CREBL2: variants seen among roughly 807,000 people sequenced by gnomAD.
The protein encoded by CREBL2 is cAMP-responsive element-binding protein-like 2.
Under a neutral mutation model 19.5 loss-of-function variants are expected in CREBL2, and 4 were observed. The ratio of observed to expected loss-of-function variants is 0.20; its 90% CI spans 0.10 to 0.47. The LOEUF is 0.47. Ranked by LOEUF, CREBL2 falls within the 20% of genes least tolerant of loss-of-function variation. The pLI is 0.98. For synonymous variants in CREBL2, 42 were observed against 46.6 expected (o/e 0.90, Z 0.40); for missense variants, 85 against 145.1 (o/e 0.59, Z 2.13).
At position 12,611,891 on chromosome 12, in the gene CREBL2, C is replaced by T. The variant is rs1945268662; in HGVS notation, c.-282C>T. ...CCCACCCTCCGGTCTCGGCGGCTCT[C>T]CAGAGCGTCTGTAAACACCCAGAGA... is the stretch of plus-strand genomic sequence containing the variant. On this transcript the variant is annotated 5_prime_UTR_variant, in exon 1 of 4. Coordinates refer to ENST00000228865, the MANE Select transcript of CREBL2 (RefSeq NM_001310.4). 5.8e-6 allele frequency: 3 copies of T among 519,360 alleles called. No homozygotes were observed. Among genetic ancestry groups the T allele is most frequent in the African/African-American group, 2.0e-5 (1 of 51,038 alleles). 32.2% of individuals were successfully genotyped at this position (519,360 alleles called of 1,614,324 possible).
At chr12:12,641,274 T>TTTTG (rs1592243538) in intron 3 of CREBL2, among the ~76,000 whole-genome samples, 2 of 142,304 alleles carry the variant, frequency 1.4e-5, no homozygotes, top group Non-Finnish European at 3.1e-5. Context: ...TTTTTTTTTT[T>TTTTG]TTTAGGTCAA....
chr12:12,633,435 C>T (rs565354147), intron 1 of CREBL2, among the ~76,000 whole-genome samples: 1 of 152,040 alleles, frequency 6.6e-6, no homozygotes, highest in East Asian at 1.9e-4. Context: ...GACTCCATCT[C>T]AAAACAAACA....
intron 1 of CREBL2, among the ~76,000 whole-genome samples, chr12:12,626,572 G>A (rs1279325078): frequency 6.6e-6 from 1 of 152,092 alleles, no homozygotes; most frequent in Non-Finnish European, 1.5e-5. Flanking sequence ...TTATTGAAAG[G>A]TAATTCACAA....
chr12:12,617,961 T>C (rs1945325653), intron 1 of CREBL2, among the ~76,000 whole-genome samples: 1 of 152,156 alleles, frequency 6.6e-6, no homozygotes, highest in South Asian at 2.1e-4. Context: ...ACACAGCACA[T>C]GTTTCAGAGA....
intron 1 of CREBL2, among the ~76,000 whole-genome samples, chr12:12,613,395 A>G (rs1945282771): frequency 6.6e-6 from 1 of 152,162 alleles, no homozygotes; most frequent in African/African-American, 2.4e-5. Context: ...ACTCTTTACG[A>G]TAGCTTTGTC....
Position 12,631,865 on chromosome 12 carries a change from T to A in CREBL2, c.16-3912T>A, listed in dbSNP as rs114508349. Among the ~76,000 whole-genome samples, 328 of 152,240 alleles carry A rather than the reference T, an allele frequency of 2.2e-3. 1 individual carries two copies. The highest frequency in any genetic ancestry group is 7.7e-3 in the African/African-American group (321 of 41,540). ...CTTTATAAAGTAGTCTCATATACATTGTTATAGCTAAGATTTACAATAATC... is the reference window on the plus strand; with the variant it reads ...CTTTATAAAGTAGTCTCATATACATAGTTATAGCTAAGATTTACAATAATC... On this transcript the variant is annotated intron_variant, in intron 1 of 3. Transcript: ENST00000228865.
rs767234520 is a variant in CREBL2, at chr12:12,620,222, CTTTCT to C, written c.15+8049_15+8053del. Among the ~76,000 whole-genome samples the C allele has an allele frequency of 6.7e-3, 935 of 140,232 alleles. 5 individuals are homozygous for C. Among genetic ancestry groups the C allele is most frequent in the Non-Finnish European group, 0.01 (679 of 64,672 alleles). The allele number at this position is 140,232 out of a possible 152,430, so 92.0% of individuals were successfully genotyped here. The stretch of plus-strand genomic sequence containing the variant: ...CTGACAGTAGACATTAATGTGCTTG[CTTTCT>C]TTTCTTTTCTTTTTCTTTTTTTTTT... On this transcript the variant is annotated intron_variant, in intron 1 of 3. Coordinates refer to ENST00000228865, the MANE Select transcript of CREBL2 (RefSeq NM_001310.4).
intron 1 of CREBL2, among the ~76,000 whole-genome samples, chr12:12,612,419 G>A (rs1229190994): frequency 6.6e-6 from 1 of 152,176 alleles, no homozygotes; most frequent in Non-Finnish European, 1.5e-5. Flanking sequence ...CAGGGCGTTT[G>A]CTAGCTTTCC....
chr12:12,623,005 T>A, intron 1 of CREBL2, among the ~76,000 whole-genome samples: 1 of 152,118 alleles, frequency 6.6e-6, no homozygotes, highest in East Asian at 1.9e-4. Context: ...AGCATCAGGA[T>A]GTAAATAAGT....
chr12:12,634,386 A>C (rs1053026719), intron 1 of CREBL2, among the ~76,000 whole-genome samples: 7 of 152,214 alleles, frequency 4.6e-5, no homozygotes, highest in Non-Finnish European at 8.8e-5. Context: ...AGGAATATTG[A>C]GAGGTTGCTT....
intron 3 of CREBL2, 113 bp downstream of exon 3, chr12:12,637,827 G>A (rs1945487363): frequency 8.3e-7 from 1 of 1,198,160 alleles, no homozygotes; most frequent in East Asian, 2.7e-5. Flanking sequence ...GATCGCTTGA[G>A]CCCAGGAGTT....
chr12:12,641,191 G>A (rs1945513889), intron 3 of CREBL2, among the ~76,000 whole-genome samples: 1 of 141,202 alleles, frequency 7.1e-6, no homozygotes, highest in African/African-American at 2.6e-5. Flanking sequence ...TGCTCTGGGA[G>A]CACTTTAAAT....
intron 1 of CREBL2, chr12:12,632,590 A>C (rs940947808): frequency 1.3e-5 from 2 of 152,124 alleles, no homozygotes; most frequent in Non-Finnish European, 2.9e-5. Flanking sequence ...GCAATATATG[A>C]GGTATTGGAT....
intron 1 of CREBL2, among the ~76,000 whole-genome samples, chr12:12,617,238 T>C (rs1221046915): frequency 1.3e-5 from 2 of 152,210 alleles, no homozygotes; most frequent in African/African-American, 4.8e-5. Flanking sequence ...ACTCGGGCTT[T>C]ATTAATCAGT....
chr12:12,643,452 C>T lies in CREBL2; in HGVS notation c.*1454C>T, dbSNP rs1480577952. 1 of 152,588 alleles carries T rather than the reference C, an allele frequency of 6.6e-6. No individual in the cohort carries two copies. Among genetic ancestry groups the T allele is most frequent in the Non-Finnish European group, 1.5e-5 (1 of 68,048 alleles). The allele number at this position is 152,588 out of a possible 1,614,324, so 9.5% of individuals were successfully genotyped here. A position where few individuals can be genotyped will look rare whatever the true frequency, so the allele number is the denominator to read the frequency against. ...TCACTTGAGTGAAGCAAATATTTAG[C>T]TTCCAAATAAAGTATATTTTGTTCT... On this transcript the variant is annotated 3_prime_UTR_variant, in exon 4 of 4. Coordinates refer to ENST00000228865, the MANE Select transcript of CREBL2 (RefSeq NM_001310.4).
At chr12:12,619,539 AG>A (rs1451373234) in intron 1 of CREBL2, among the ~76,000 whole-genome samples, 2 of 152,032 alleles carry the variant, frequency 1.3e-5, no homozygotes, top group Non-Finnish European at 2.9e-5. Context: ...TAAGCCCAGG[AG>A]GTGGAGGTTG....
At chr12:12,626,214 T>TAAAGA in intron 1 of CREBL2, among the ~76,000 whole-genome samples, 1 of 152,160 alleles carries the variant, frequency 6.6e-6, no homozygotes, top group Non-Finnish European at 1.5e-5. Context: ...CTAAAGAGCA[T>TAAAGA]GCAACTATAA....
chr12:12,636,029 AT>A, intron 2 of CREBL2, 55 bp downstream of exon 2: 1 of 1,435,570 alleles, frequency 7.0e-7, no homozygotes, highest in South Asian at 1.3e-5. Flanking sequence ...CAAATAAATA[AT>A]ACATTAAAAT....
intron 3 of CREBL2, 30 bp from the exon 4 acceptor site, chr12:12,641,964 A>G: frequency 6.6e-7 from 1 of 1,514,488 alleles, no homozygotes; most frequent in Non-Finnish European, 9.1e-7. Context: ...CTCTAAAAAC[A>G]TTCTTACATT....
Sources: allele counts gnomAD v4.1 joint callset (sites outside exome capture counted in the v4.1 genomes callset), GRCh38; gene constraint gnomAD v4.1.1; transcripts MANE v1.5; gene names NCBI Gene and HGNC (gene_info 2026-07-23, HGNC 2026-07-21).